The following MALRD1 variants were observed in gnomAD, a reference collection of about 807,000 sequenced individuals.
The protein encoded by MALRD1 is MAM and LDL-receptor class A domain-containing protein 1.
A neutral mutation model predicts 242.1 loss-of-function variants in MALRD1; 247 were observed. That is an observed-to-expected ratio of 1.02 (90% CI 0.92 to 1.13). The LOEUF is 1.13. Ranked by LOEUF, MALRD1 falls within the 50% of genes most tolerant of loss-of-function variation. The pLI, the probability that MALRD1 is intolerant of heterozygous loss-of-function variation, is 0.00. For synonymous variants in MALRD1, 995 were observed against 866.6 expected, an observed-to-expected ratio of 1.15 and a Z score of -2.60; for missense variants, 2,989 against 2,533.1, an observed-to-expected ratio of 1.18 and a Z score of -3.86.
At chr10:19,436,211 A>T (rs894723929) in intron 28 of MALRD1, among the ~76,000 whole-genome samples, 1 of 152,182 alleles carries the variant, frequency 6.6e-6, no homozygotes, top group Non-Finnish European at 1.5e-5. Context: ...AGAAGCGACA[A>T]CTGAGCACTG....
chr10:19,406,067 A>G (rs1192018747), intron 28 of MALRD1, among the ~76,000 whole-genome samples: 1 of 152,160 alleles, frequency 6.6e-6, no homozygotes, highest in South Asian at 2.1e-4. Context: ...TTTAGAATCC[A>G]TAAGCCACTT....
At chr10:19,195,317 G>C (rs1836188478) in intron 14 of MALRD1, among the ~76,000 whole-genome samples, 1 of 152,098 alleles carries the variant, frequency 6.6e-6, no homozygotes, top group African/African-American at 2.4e-5. Flanking sequence ...GTTTTCCTCA[G>C]CTTCCTTGAT....
At chr10:19,096,814 C>A (rs750255790) in intron 4 of MALRD1, among the ~76,000 whole-genome samples, 1 of 152,074 alleles carries the variant, frequency 6.6e-6, no homozygotes, top group Non-Finnish European at 1.5e-5. Context: ...TAAAAATGTC[C>A]AAATAGGCGA....
chr10:19,292,153 G>A (rs1439869175), intron 21 of MALRD1, among the ~76,000 whole-genome samples: 2 of 151,250 alleles, frequency 1.3e-5, no homozygotes, highest in East Asian at 3.9e-4. Flanking sequence ...ATAGTTTTGA[G>A]GGAAAACTCT....
Position 19,107,593 on chromosome 10 carries a change from A to G in MALRD1, c.694+3518A>G, listed in dbSNP as rs184778317. ...TTTTTTTTTTTTAATCTACTCATCC[A>G]CTCTATATATTTTGAAAATTTAATC... On this transcript the variant is annotated intron_variant, in intron 5 of 39. Coordinates refer to ENST00000454679, the MANE Select transcript of MALRD1 (RefSeq NM_001142308.3). Among the ~76,000 whole-genome samples, 779 of 133,984 alleles carry G rather than the reference A, an allele frequency of 5.8e-3. 5 individuals carry two copies. The highest frequency in any genetic ancestry group is 0.021 in the African/African-American group (754 of 35,774). The allele number at this position is 133,984 out of a possible 152,430, so 87.9% of individuals were successfully genotyped here.
chr10:19,454,004 G>A (rs1041968265), intron 29 of MALRD1, among the ~76,000 whole-genome samples: 3 of 152,170 alleles, frequency 2.0e-5, no homozygotes, highest in African/African-American at 4.8e-5. Flanking sequence ...AGGTTTCAAT[G>A]AGCCATGATC....
intron 18 of MALRD1, among the ~76,000 whole-genome samples, chr10:19,235,466 T>A (rs911516900): frequency 1.9e-4 from 22 of 118,594 alleles, no homozygotes; most frequent in Non-Finnish European, 3.5e-4. Context: ...TTAATCGGGT[T>A]ATTTTTTTTT....
intron 28 of MALRD1, among the ~76,000 whole-genome samples, chr10:19,430,366 C>T (rs1451654462): frequency 5.9e-5 from 9 of 151,752 alleles, no homozygotes; most frequent in African/African-American, 9.7e-5. Flanking sequence ...CCACCCACCT[C>T]GGCCTCCCAA....
rs142279009 is a variant in MALRD1 at position 19,668,401 on chromosome 10, A to G, written c.6138-23881A>G. Among the ~76,000 whole-genome samples, 143 of 152,272 alleles carry G rather than the reference A, an allele frequency of 9.4e-4. 1 individual carries two copies. Among genetic ancestry groups the G allele is most frequent in the African/African-American group, 3.4e-3 (140 of 41,556 alleles). ...AAGGGAGGTTGGTGACCTAAAACATAGCCCTTCAGTCACCCAATCCAGCCC... is the reference window on the plus strand; with the variant it reads ...AAGGGAGGTTGGTGACCTAAAACATGGCCCTTCAGTCACCCAATCCAGCCC... On this transcript the variant is annotated intron_variant, in intron 36 of 39. Coordinates refer to ENST00000454679, the MANE Select transcript of MALRD1 (RefSeq NM_001142308.3).
chr10:19,577,724 C>T (rs977356348), intron 33 of MALRD1, among the ~76,000 whole-genome samples: 5 of 152,002 alleles, frequency 3.3e-5, no homozygotes, highest in African/African-American at 1.2e-4. Flanking sequence ...CACATAAACA[C>T]ATATGCATTA....
chr10:19,726,762 G>C (rs1445356244), intron 38 of MALRD1, among the ~76,000 whole-genome samples: 1 of 152,142 alleles, frequency 6.6e-6, no homozygotes, highest in Non-Finnish European at 1.5e-5. Context: ...ATATTATTCA[G>C]CAATAAAAAT....
intron 32 of MALRD1, among the ~76,000 whole-genome samples, chr10:19,531,726 T>A (rs563435371): frequency 2.4e-4 from 37 of 152,328 alleles, no homozygotes; most frequent in African/African-American, 8.4e-4. Flanking sequence ...CAAAATTCAG[T>A]TAAGGAAAAG....
chr10:19,463,758 T>A (rs1836070664), intron 29 of MALRD1, among the ~76,000 whole-genome samples: 1 of 152,130 alleles, frequency 6.6e-6, no homozygotes, highest in Non-Finnish European at 1.5e-5. Context: ...GATCAAATGG[T>A]ATTTCTACTC....
At chr10:19,357,020 G>C (rs1291001426) in intron 26 of MALRD1, among the ~76,000 whole-genome samples, 2 of 151,768 alleles carry the variant, frequency 1.3e-5, no homozygotes, top group Non-Finnish European at 2.9e-5. Flanking sequence ...GAGGCAGGGA[G>C]AATTGCTTGA....
intron 29 of MALRD1, chr10:19,491,004 T>C (rs1313302668): frequency 5.4e-6 from 1 of 185,144 alleles, no homozygotes; most frequent in Non-Finnish European, 1.1e-5. Flanking sequence ...TATGTGAAAA[T>C]TCAGCAGAAA....
intron 36 of MALRD1, among the ~76,000 whole-genome samples, chr10:19,630,246 G>C (rs1252819055): frequency 1.3e-5 from 2 of 152,158 alleles, no homozygotes; most frequent in African/African-American, 4.8e-5. Context: ...TCAGTGGTTA[G>C]AGTTTTTATA....
chr10:19,465,539 A>C (rs1836177782), intron 29 of MALRD1, among the ~76,000 whole-genome samples: 1 of 151,876 alleles, frequency 6.6e-6, no homozygotes, highest in Non-Finnish European at 1.5e-5. Context: ...CTTTTTAAAA[A>C]ATTTTTTTTG....
At chr10:19,217,408 A>G (rs747189302) in intron 18 of MALRD1, among the ~76,000 whole-genome samples, 1 of 151,918 alleles carries the variant, frequency 6.6e-6, no homozygotes, top group Non-Finnish European at 1.5e-5. Flanking sequence ...CATTTTTTTC[A>G]GATTCAGGTT....
At chr10:19,709,243 T>TAAAAAAAAAA (rs557818453) in intron 38 of MALRD1, among the ~76,000 whole-genome samples, 3 of 105,944 alleles carry the variant, frequency 2.8e-5, no homozygotes, top group African/African-American at 7.3e-5. Flanking sequence ...CCGTCTGTAC[T>TAAAAAAAAAA]AAAAAAAAAA....
Sources: allele counts gnomAD v4.1 joint callset (sites outside exome capture counted in the v4.1 genomes callset), GRCh38; gene constraint gnomAD v4.1.1; transcripts MANE v1.5; gene names NCBI Gene and HGNC (gene_info 2026-07-23, HGNC 2026-07-21).